UBR4: variants seen among roughly 807,000 people sequenced by gnomAD.
UBR4 encodes ubiquitin protein ligase E3 component n-recognin 4.
In UBR4, 124 loss-of-function variants were observed where a neutral mutation model predicts 575.6. The ratio of observed to expected loss-of-function variants is 0.22; its 90% confidence interval spans 0.19 to 0.25. The LOEUF (loss-of-function observed/expected upper bound fraction) is 0.25. Among genes scored for constraint, UBR4 ranks in the 10% least tolerant of loss-of-function variants. The pLI is 1.00. For missense variants in UBR4, 4,818 were observed against 6,478.8 expected, an observed-to-expected ratio of 0.74 and a Z score of 8.80; for synonymous variants, 2,455 against 2,473.7, an observed-to-expected ratio of 0.99 and a Z score of 0.22.
chr1:19,090,955 G>C (rs950749625), intron 97 of UBR4, among the ~76,000 whole-genome samples: 2 of 152,112 alleles, frequency 1.3e-5, no homozygotes, highest in African/African-American at 4.8e-5. Flanking sequence ...AATTGGCCAG[G>C]TGTGGTGGCA....
chr1:19,106,686 G>T lies in UBR4; in HGVS notation c.12276C>A (p.Leu4092=). 1 of 1,608,602 alleles carries T rather than the reference G, an allele frequency of 6.2e-7. No homozygotes were observed. The highest frequency in any genetic ancestry group is 8.5e-7 in the Non-Finnish European group (1 of 1,176,968). ...GNGKAPSKSE[L]RHLYLTEKYV... ...ACTTCTCAGTCAAATAGAGATGGCG[G>T]AGCTCTGATTTGCTGGGGGCTTTCC... The change falls in exon 83 of 106, where the codon CTC becomes CTA. Residue 4092 remains leucine, a synonymous_variant. Transcript: ENST00000375254.
chr1:19,148,430 C>T, intron 50 of UBR4, 133 bp downstream of exon 50: 1 of 1,222,628 alleles, frequency 8.2e-7, no homozygotes. Flanking sequence ...GAAGACTTCT[C>T]TGGAGCTTCT....
chr1:19,138,285 T>C, intron 59 of UBR4, 104 bp from the exon 60 acceptor site: 1 of 1,221,942 alleles, frequency 8.2e-7, no homozygotes, highest in Non-Finnish European at 1.1e-6. Context: ...CTGACAGCAT[T>C]AGACAATAAC....
In UBR4 at chr1:19,141,067, G is replaced by A. The variant is rs558097922; in HGVS notation, c.8489-175C>T. On this transcript the variant is annotated intron_variant, in intron 57 of 105. Transcript: ENST00000375254. ...ACCCACCAAGTTCAGTTACAGAGAT[G>A]GTGGAATGCTTCCTTCAGCTCAGGC... Among the ~76,000 whole-genome samples, 8 of 152,320 alleles carry A rather than the reference G, an allele frequency of 5.3e-5. No individual in the cohort carries two copies. In the South Asian group the frequency reaches 6.2e-4, roughly 12 times the overall value.
intron 42 of UBR4, 21 bp from the exon 43 acceptor site, chr1:19,155,689 T>C (rs777987422): frequency 3.1e-6 from 5 of 1,597,496 alleles, no homozygotes; most frequent in Admixed American, 1.7e-5. Context: ...GAAGAAAAAT[T>C]AAATAAGGGA....
chr1:19,081,733 CCT>C (rs1412650032), intron 102 of UBR4, 160 bp from the exon 103 acceptor site: 1 of 803,994 alleles, frequency 1.2e-6, no homozygotes, highest in African/African-American at 1.7e-5. Flanking sequence ...ACTCCCACTT[CCT>C]CTGATAATCC....
intron 62 of UBR4, among the ~76,000 whole-genome samples, 173 bp from the exon 63 acceptor site, chr1:19,127,912 G>A (rs1181538845): frequency 6.6e-6 from 1 of 152,076 alleles, no homozygotes; most frequent in Non-Finnish European, 1.5e-5. Flanking sequence ...CCTAGAGCCC[G>A]ATACACTTAA....
chr1:19,193,169 C>T (rs965850698), intron 9 of UBR4, among the ~76,000 whole-genome samples: 5 of 152,228 alleles, frequency 3.3e-5, no homozygotes, highest in Non-Finnish European at 5.9e-5. Context: ...AGTACACTGA[C>T]ACACAGTAGG....
intron 29 of UBR4, among the ~76,000 whole-genome samples, chr1:19,166,452 C>T (rs1382030296): frequency 2.0e-5 from 3 of 147,974 alleles, no homozygotes; most frequent in Admixed American, 1.3e-4. Flanking sequence ...ATCTAAACAT[C>T]TAAGTCTTCC....
chr1:19,115,359 T>G (rs1557645226), intron 74 of UBR4, 39 bp downstream of exon 74: 1 of 1,599,090 alleles, frequency 6.3e-7, no homozygotes, highest in Non-Finnish European at 8.5e-7. Flanking sequence ...TAACAAGGAA[T>G]GTGCACAGCC....
At chr1:19,112,957 C>G in intron 77 of UBR4, 90 bp from the exon 78 acceptor site, 3 of 1,333,932 alleles carry the variant, frequency 2.2e-6, no homozygotes, top group Non-Finnish European at 3.1e-6. Context: ...TTAGAAAAAA[C>G]TTTACATGCA....
At chr1:19,123,451 T>TA (rs35963937) in intron 65 of UBR4, among the ~76,000 whole-genome samples, 68,036 of 135,714 alleles carry the variant, frequency 0.5, 18,385 homozygotes, top group African/African-American at 0.73. Context: ...GACTTGGTCT[T>TA]AAAAAAAAAA....
chr1:19,187,086 ATAT>A, intron 13 of UBR4, 75 bp downstream of exon 13: 1 of 907,236 alleles, frequency 1.1e-6, no homozygotes, highest in Non-Finnish European at 1.4e-6. Context: ...TTATATATAT[ATAT>A]ATATATACAT....
intron 11 of UBR4, among the ~76,000 whole-genome samples, chr1:19,188,420 G>A (rs765548882): frequency 6.6e-5 from 10 of 152,138 alleles, no homozygotes; most frequent in Non-Finnish European, 1.2e-4. Context: ...CAGAAGTGGT[G>A]AGGCACACCT....
chr1:19,141,236 C>A, intron 57 of UBR4, 111 bp downstream of exon 57: 1 of 1,444,180 alleles, frequency 6.9e-7, no homozygotes, highest in South Asian at 1.3e-5. Context: ...CCCAGATCAA[C>A]CTCTCCCCAT....
chr1:19,143,272 AAG>A (rs1325947901), intron 55 of UBR4, among the ~76,000 whole-genome samples: 1 of 67,210 alleles, frequency 1.5e-5, no homozygotes, highest in African/African-American at 5.2e-5. Flanking sequence ...GAAAGAAAGA[AAG>A]AAAGAAAGAA....
At chr1:19,078,093 C>A (rs1462369211) in intron 103 of UBR4, 27 bp from the exon 104 acceptor site, 2 of 1,608,812 alleles carry the variant, frequency 1.2e-6, no homozygotes, top group Non-Finnish European at 1.7e-6. Context: ...AGTTCCATCA[C>A]ATGAAGTCCC....
Position 19,161,962 on chromosome 1 carries a change from CAT to C in UBR4, c.4957-67_4957-66del, listed in dbSNP as rs1432406789. 3.7e-5 allele frequency: 59 copies of C among 1,577,272 alleles called. 1 individual carries two copies. The Admixed American group carries it at 8.4e-4, about 22-fold the overall frequency. ...CTGCATATAAACACCCACAAAAACACATGTGCCTCAACGCCCTATGGCGGGGT... is the reference window on the plus strand; with the variant it reads ...CTGCATATAAACACCCACAAAAACACGTGCCTCAACGCCCTATGGCGGGGT... On this transcript the variant is annotated intron_variant, in intron 35 of 105. Coordinates refer to ENST00000375254, the MANE Select transcript of UBR4 (RefSeq NM_020765.3).
intron 1 of UBR4, among the ~76,000 whole-genome samples, chr1:19,204,533 A>ATATATATATATATAT (rs200363179): frequency 6.6e-6 from 1 of 150,662 alleles, no homozygotes; most frequent in Non-Finnish European, 1.5e-5. Context: ...TATATAAAAA[A>ATATATATATATATAT]AAATATATAT....
Sources: gnomAD v4.1 joint callset for allele counts (sites outside exome capture counted in the v4.1 genomes callset) on GRCh38, gnomAD v4.1.1 for gene constraint, MANE v1.5 for transcripts, NCBI Gene and HGNC (gene_info 2026-07-23, HGNC 2026-07-21) for gene names.